Variants in CCND2 observed in about 807,000 individuals in gnomAD.
CCND2 encodes the protein G1/S-specific cyclin-D2.
CCND2 carries 6 observed loss-of-function variants against 30.2 expected under a neutral mutation model. The ratio of observed to expected loss-of-function variants is 0.20; its 90% confidence interval spans 0.11 to 0.39. CCND2 has a LOEUF of 0.39. Among genes scored for constraint, CCND2 ranks in the 10% least tolerant of loss-of-function variants. The probability of loss-of-function intolerance (pLI) is 1.00; values close to 1 mark genes in which losing one functional copy is unlikely to be tolerated. For synonymous variants in CCND2, 150 were observed against 153.1 expected (o/e 0.98, Z 0.15); for missense variants, 235 against 373.4 (o/e 0.63, Z 3.06).
At chr12:4,284,827 C>A (rs570746807) in intron 3 of CCND2, among the ~76,000 whole-genome samples, 5 of 151,736 alleles carry the variant, frequency 3.3e-5, no homozygotes, top group South Asian at 4.2e-4. Flanking sequence ...CCTCCAACTC[C>A]CGGGTTCAAG....
rs1393313446 is a variant in CCND2, at chr12:4,303,712, C to T, written c.*3703C>T. 8.6e-6 allele frequency: 2 copies of T among 233,492 alleles called. No homozygotes were observed. Among genetic ancestry groups the T allele is most frequent in the Non-Finnish European group, 1.7e-5 (2 of 118,070 alleles). The allele number at this position is 233,492 out of a possible 1,614,324, so 14.5% of individuals were successfully genotyped here. On this transcript the variant is annotated 3_prime_UTR_variant, in exon 5 of 5. Transcript: ENST00000261254. This position sits in a 1 kb window ranked among gnomAD's most constrained non-coding sequence, Gnocchi z 4.6. The stretch of plus-strand genomic sequence containing the variant: ...GGAGAAAGCCAAGGGCAGTTCCCTC[C>T]GCAGAACACCCCATGCGTGCTGAGA...
intron 3 of CCND2, among the ~76,000 whole-genome samples, chr12:4,286,435 T>C (rs1344513359): frequency 6.6e-6 from 1 of 152,202 alleles, no homozygotes; most frequent in Non-Finnish European, 1.5e-5. Context: ...TTGACTAACC[T>C]GGAGGAGAGG....
rs1353932754 is a variant in CCND2, at chr12:4,282,557, C to T, written c.571+3638C>T. Among the ~76,000 whole-genome samples, 2 of 152,154 alleles carry T rather than the reference C, an allele frequency of 1.3e-5. No homozygotes were observed. Among genetic ancestry groups the T allele is most frequent in the Admixed American group, 6.5e-5 (1 of 15,272 alleles). On this transcript the variant is annotated intron_variant, in intron 3 of 4. Coordinates refer to ENST00000261254, the MANE Select transcript of CCND2 (RefSeq NM_001759.4). The surrounding 1 kb of genome is among the most constrained non-coding windows in gnomAD (Gnocchi z 4.3). ...GTGCTGGGAAGGAAGAATGGAAACCCGTCTTTCCATCTGCAAGTCTCTGAG... is the reference window on the plus strand; with the variant it reads ...GTGCTGGGAAGGAAGAATGGAAACCTGTCTTTCCATCTGCAAGTCTCTGAG...
intron 2 of CCND2, 39 bp from the exon 3 acceptor site, chr12:4,278,721 A>G (rs767851101): frequency 1.2e-6 from 2 of 1,607,032 alleles, no homozygotes; most frequent in Non-Finnish European, 1.7e-6. Flanking sequence ...AGCCTGTGGA[A>G]TTTAGATTCT....
In CCND2 at chr12:4,301,509, T is replaced by C. The variant is rs1437003686; in HGVS notation, c.*1500T>C. On this transcript the variant is annotated 3_prime_UTR_variant, in exon 5 of 5. Coordinates refer to ENST00000261254, the MANE Select transcript of CCND2 (RefSeq NM_001759.4). ...TTTTTGCACAATTGTAATTGACAGG[T>C]AATGAAGCTATTTGTTAAAATATTT... 2 of 231,580 alleles carry C rather than the reference T, an allele frequency of 8.6e-6. No homozygotes were observed. The highest frequency in any genetic ancestry group is 1.7e-5 in the Non-Finnish European group (2 of 117,348). The allele number at this position is 231,580 out of a possible 1,614,324, so 14.3% of individuals were successfully genotyped here.
chr12:4,275,528 G>A (rs1054697061), intron 1 of CCND2: 2 of 134,058 alleles, frequency 1.5e-5, no homozygotes, highest in African/African-American at 5.8e-5. Context: ...GGGCCGCAGG[G>A]ACCCCCCCAG....
At position 4,276,284 on chromosome 12, in the gene CCND2, G is replaced by A. The variant is rs1863873672; in HGVS notation, c.411+64G>A. 14 of 1,398,284 alleles carry A rather than the reference G, an allele frequency of 1.0e-5. No individual in the cohort carries two copies. The highest frequency in any genetic ancestry group is 1.9e-5 in the Admixed American group (1 of 52,450). The allele number at this position is 1,398,284 out of a possible 1,614,324, so 86.6% of individuals were successfully genotyped here. ...CCCGCTTTCCCCTGGCCAACAATAT[G>A]CCTTCTATCACCACTGCCAGAGCAA... On this transcript the variant is annotated intron_variant, in intron 2 of 4. Coordinates refer to ENST00000261254, the MANE Select transcript of CCND2 (RefSeq NM_001759.4). The surrounding 1 kb of genome is among the most constrained non-coding windows in gnomAD (Gnocchi z 4.8).
At position 4,287,960 on chromosome 12, in the gene CCND2, A is replaced by C. The variant is rs1864046164; in HGVS notation, c.572-882A>C. 1.3e-5 allele frequency among the ~76,000 whole-genome samples: 2 copies of C among 152,212 alleles called. No individual in the cohort carries two copies. Among genetic ancestry groups the C allele is most frequent in the Admixed American group, 1.3e-4 (2 of 15,284 alleles). On this transcript the variant is annotated intron_variant, in intron 3 of 4. Transcript: ENST00000261254. This position sits in a 1 kb window ranked among gnomAD's most constrained non-coding sequence, Gnocchi z 4.0. ...CTCTGATTTATTATCCTCATTCTGCACTTCCCTGTAGCAAGTCACATTTTT... is the reference window on the plus strand; with the variant it reads ...CTCTGATTTATTATCCTCATTCTGCCCTTCCCTGTAGCAAGTCACATTTTT...
In CCND2 at chr12:4,280,830, C is replaced by T. The variant is rs764615846; in HGVS notation, c.571+1911C>T. Among the ~76,000 whole-genome samples, 19 of 152,340 alleles carry T rather than the reference C, an allele frequency of 1.2e-4. 1 individual carries two copies. In the South Asian group the frequency reaches 1.4e-3, roughly 12 times the overall value. On this transcript the variant is annotated intron_variant, in intron 3 of 4. Transcript: ENST00000261254. The stretch of plus-strand genomic sequence containing the variant: ...TAACAGATCTTTTGGGGTCTAACTG[C>T]CCCTTCCTCCTCTCTGATCTCTGAT...
chr12:4,294,703 C>T (rs1044999929), intron 4 of CCND2, among the ~76,000 whole-genome samples: 5 of 152,200 alleles, frequency 3.3e-5, no homozygotes, highest in Non-Finnish European at 7.3e-5. Flanking sequence ...GCCACGTCAA[C>T]TCTCCACGCT....
chr12:4,287,216 G>T lies in CCND2; in HGVS notation c.572-1626G>T, dbSNP rs983370554. 5.9e-5 allele frequency among the ~76,000 whole-genome samples: 9 copies of T among 152,198 alleles called. No homozygotes were observed. The highest frequency in any genetic ancestry group is 1.0e-4 in the Non-Finnish European group (7 of 68,040). On this transcript the variant is annotated intron_variant, in intron 3 of 4. Coordinates refer to ENST00000261254, the MANE Select transcript of CCND2 (RefSeq NM_001759.4). This position sits in a 1 kb window ranked among gnomAD's most constrained non-coding sequence, Gnocchi z 4.0. ...GCCAAGGAGACAGGCAGATGGCCAG[G>T]TTTGCTCTGCGTTCATGATGGGAGG...
chr12:4,280,884 G>A (rs3217815), intron 3 of CCND2, among the ~76,000 whole-genome samples: 3,589 of 152,288 alleles, frequency 0.024, 157 homozygotes, highest in African/African-American at 0.081. Flanking sequence ...TGGAGTTACC[G>A]GGGTGTGGGC....
At chr12:4,275,934 A>C in intron 1 of CCND2, 71 bp from the exon 2 acceptor site, 1 of 968,660 alleles carries the variant, frequency 1.0e-6, no homozygotes, top group Non-Finnish European at 1.5e-6. Context: ...ACGCTTTTTT[A>C]TTCTTTTTCT....
chr12:4,280,348 G>A (rs926235167), intron 3 of CCND2, among the ~76,000 whole-genome samples: 1 of 152,246 alleles, frequency 6.6e-6, no homozygotes, highest in Non-Finnish European at 1.5e-5. Flanking sequence ...TGCACTTGCA[G>A]GCTTGAGTGT....
chr12:4,289,324 C>A (rs1044519060), intron 4 of CCND2, among the ~76,000 whole-genome samples: 1 of 151,984 alleles, frequency 6.6e-6, no homozygotes, highest in African/African-American at 2.4e-5. Context: ...CTGCCTCTGC[C>A]CGGCAGCGAA....
Position 4,282,269 on chromosome 12 carries a change from C to T in CCND2, c.571+3350C>T, listed in dbSNP as rs1371341898. ...CCCTCCCTCTCCAGGCACCCACATC[C>T]CCTCTTTCTTCACTAGAAGCCCACC... On this transcript the variant is annotated intron_variant, in intron 3 of 4. Transcript: ENST00000261254. The surrounding 1 kb of genome is among the most constrained non-coding windows in gnomAD (Gnocchi z 4.3). Among the ~76,000 whole-genome samples, 1 of 152,130 alleles carries T rather than the reference C, an allele frequency of 6.6e-6. No individual in the cohort carries two copies. The highest frequency in any genetic ancestry group is 1.5e-5 in the Non-Finnish European group (1 of 68,002).
In CCND2 at chr12:4,303,984, T is replaced by C; in HGVS notation, c.*3975T>C. 1 of 233,352 alleles carries C rather than the reference T, an allele frequency of 4.3e-6. No individual in the cohort carries two copies. The highest frequency in any genetic ancestry group is 6.0e-5 in the East Asian group (1 of 16,592). 14.5% of individuals were successfully genotyped at this position (233,352 alleles called of 1,614,324 possible). A position where few individuals can be genotyped will look rare whatever the true frequency, so the allele number is the denominator to read the frequency against. ...TCCCATTGCTAGCAGGATTGGCAAC[T>C]CTTCAGACGGAGCTGCGCTTCCCTG... is the stretch of plus-strand genomic sequence containing the variant. On this transcript the variant is annotated 3_prime_UTR_variant, in exon 5 of 5. Coordinates refer to ENST00000261254, the MANE Select transcript of CCND2 (RefSeq NM_001759.4). The surrounding 1 kb of genome is among the most constrained non-coding windows in gnomAD (Gnocchi z 4.6).
At position 4,299,285 on chromosome 12, in the gene CCND2, G is replaced by A. The variant is rs1231589548; in HGVS notation, c.721-575G>A. ...TGAGGCAGGAGAATCGCTTGAACCC[G>A]GAAGGTGGAGGTTGCAGTGAGCCGA... On this transcript the variant is annotated intron_variant, in intron 4 of 4. Transcript: ENST00000261254. This position sits in a 1 kb window ranked among gnomAD's most constrained non-coding sequence, Gnocchi z 5.2. 3.9e-5 allele frequency among the ~76,000 whole-genome samples: 6 copies of A among 152,164 alleles called. No homozygotes were observed. Among genetic ancestry groups the A allele is most frequent in the Non-Finnish European group, 2.9e-5 (2 of 68,028 alleles).
At chr12:4,292,994 T>C (rs965830838) in intron 4 of CCND2, among the ~76,000 whole-genome samples, 1 of 152,156 alleles carries the variant, frequency 6.6e-6, no homozygotes, top group Non-Finnish European at 1.5e-5. Context: ...CCAGAGCCCC[T>C]GGCAGAGTCA....
Sources: allele counts gnomAD v4.1 joint callset (sites outside exome capture counted in the v4.1 genomes callset), GRCh38; gene constraint gnomAD v4.1.1; non-coding constraint Gnocchi (gnomAD v3.1); transcripts MANE v1.5; gene names NCBI Gene and HGNC (gene_info 2026-07-23, HGNC 2026-07-21).